PLD5: variants seen among roughly 807,000 people sequenced by gnomAD.
The protein encoded by PLD5 is inactive phospholipase D5.
In PLD5, 36 loss-of-function variants were observed where a neutral mutation model predicts 61.1. That is an observed-to-expected ratio of 0.59 (90% CI 0.45 to 0.78). The LOEUF (loss-of-function observed/expected upper bound fraction) is 0.78. Among genes scored for constraint, PLD5 ranks in the 30% least tolerant of loss-of-function variants. The pLI, the probability that PLD5 is intolerant of heterozygous loss-of-function variation, is 0.00. For synonymous variants in PLD5, 243 were observed against 242.8 expected, an observed-to-expected ratio of 1.00 and a Z score of -0.01; for missense variants, 515 against 644.4, an observed-to-expected ratio of 0.80 and a Z score of 2.17.
intron 1 of PLD5, among the ~76,000 whole-genome samples, chr1:242,502,490 C>T (rs6699156): frequency 0.066 from 10,046 of 152,124 alleles, 755 homozygotes; most frequent in African/African-American, 0.19. Flanking sequence ...ACCAAGAGTG[C>T]TAATTTTCAC....
chr1:242,488,012 CAGTGAGAT>C lies in PLD5; in HGVS notation c.189+36068_189+36075del, dbSNP rs199659705. 4.4e-4 allele frequency among the ~76,000 whole-genome samples: 67 copies of C among 152,142 alleles called. 1 individual carries two copies. The highest frequency in any genetic ancestry group is 1.5e-3 in the African/African-American group (64 of 41,504). On this transcript the variant is annotated intron_variant, in intron 1 of 9. Coordinates refer to ENST00000536534, the MANE Select transcript of PLD5 (RefSeq NM_001372062.1). ...TAAAACATGTATGTATGTAGGTGTGCAGTGAGATACCACTACATACCTATTAGAAAGGC... is the reference window on the plus strand; with the variant it reads ...TAAAACATGTATGTATGTAGGTGTGCACCACTACATACCTATTAGAAAGGC...
chr1:242,177,497 T>C (rs1399422528), intron 5 of PLD5, among the ~76,000 whole-genome samples: 1 of 152,092 alleles, frequency 6.6e-6, no homozygotes, highest in Non-Finnish European at 1.5e-5. Flanking sequence ...CAAACCACCA[T>C]GGCACGTGTG....
At chr1:242,485,570 C>G (rs1437532579) in intron 1 of PLD5, among the ~76,000 whole-genome samples, 1 of 152,126 alleles carries the variant, frequency 6.6e-6, no homozygotes, top group Non-Finnish European at 1.5e-5. Flanking sequence ...AAAGAGGATA[C>G]AAACAAATGG....
intron 1 of PLD5, among the ~76,000 whole-genome samples, chr1:242,378,324 A>T (rs75383475): frequency 0.018 from 2,729 of 152,266 alleles, 75 homozygotes; most frequent in African/African-American, 0.063. Context: ...AAAGAGAAAA[A>T]AGTAGAACAG....
chr1:242,488,287 T>A (rs2102972373), intron 1 of PLD5, among the ~76,000 whole-genome samples: 1 of 152,372 alleles, frequency 6.6e-6, no homozygotes, highest in East Asian at 1.9e-4. Context: ...ACAGCAGCTT[T>A]ATTTATAATT....
intron 2 of PLD5, among the ~76,000 whole-genome samples, chr1:242,332,319 C>T (rs1659234921): frequency 6.6e-6 from 1 of 152,132 alleles, no homozygotes; most frequent in African/African-American, 2.4e-5. Context: ...CGAGTCTTTG[C>T]TATGGTGAAC....
chr1:242,166,708 T>G (rs1386102904), intron 5 of PLD5, among the ~76,000 whole-genome samples: 1 of 152,240 alleles, frequency 6.6e-6, no homozygotes, highest in Non-Finnish European at 1.5e-5. Context: ...AATAACTGCC[T>G]GACAAAGTTC....
chr1:242,299,093 ATAT>A (rs201516923), intron 2 of PLD5, among the ~76,000 whole-genome samples: 8,736 of 151,688 alleles, frequency 0.058, 291 homozygotes, highest in Middle Eastern at 0.11. Flanking sequence ...AAATGTAATT[ATAT>A]TATTACCTCT....
intron 2 of PLD5, among the ~76,000 whole-genome samples, chr1:242,321,155 G>A (rs1210516093): frequency 6.6e-6 from 1 of 152,002 alleles, no homozygotes; most frequent in Non-Finnish European, 1.5e-5. Context: ...TCTTTTGTGG[G>A]GGACTTGACA....
At chr1:242,506,028 T>C (rs781693405) in intron 1 of PLD5, among the ~76,000 whole-genome samples, 2 of 152,196 alleles carry the variant, frequency 1.3e-5, no homozygotes, top group Non-Finnish European at 2.9e-5. Flanking sequence ...TTATGAGAAA[T>C]GGTGTTACCA....
chr1:242,328,312 GTTCTACATATA>G (rs1658933236), intron 2 of PLD5, among the ~76,000 whole-genome samples: 6 of 140,042 alleles, frequency 4.3e-5, no homozygotes, highest in Non-Finnish European at 8.9e-5. Flanking sequence ...ACATATATAT[GTTCTACATATA>G]TGTGTTTTAC....
intron 5 of PLD5, among the ~76,000 whole-genome samples, chr1:242,153,305 G>C (rs1665088612): frequency 6.6e-6 from 1 of 152,092 alleles, no homozygotes; most frequent in South Asian, 2.1e-4. Flanking sequence ...TAGGCTGCCT[G>C]TTCACTCTGA....
intron 3 of PLD5, among the ~76,000 whole-genome samples, chr1:242,278,361 TGG>T (rs1674529225): frequency 6.6e-6 from 1 of 152,242 alleles, no homozygotes; most frequent in Non-Finnish European, 1.5e-5. Flanking sequence ...GATTTATTCA[TGG>T]CCATATGATT....
intron 2 of PLD5, among the ~76,000 whole-genome samples, chr1:242,325,761 C>A (rs945094137): frequency 1.3e-5 from 2 of 152,156 alleles, no homozygotes; most frequent in Non-Finnish European, 2.9e-5. Context: ...AGAAGACATC[C>A]ACAGACCTAC....
In PLD5 at chr1:242,206,497, A is replaced by G. The variant is rs188301962; in HGVS notation, c.735+13491T>C. 2.1e-3 allele frequency among the ~76,000 whole-genome samples: 324 copies of G among 152,322 alleles called. 2 individuals are homozygous for G. Among genetic ancestry groups the G allele is most frequent in the African/African-American group, 7.6e-3 (314 of 41,570 alleles). ...GGCACTGATCCTTATACAGTCAAAAATCTGTGTATAGCTTTGGGATCCCCA... is the reference window on the plus strand; with the variant it reads ...GGCACTGATCCTTATACAGTCAAAAGTCTGTGTATAGCTTTGGGATCCCCA... On this transcript the variant is annotated intron_variant, in intron 5 of 9. Transcript: ENST00000536534.
At chr1:242,237,537 T>C (rs1671718890) in intron 4 of PLD5, among the ~76,000 whole-genome samples, 2 of 152,212 alleles carry the variant, frequency 1.3e-5, no homozygotes, top group Non-Finnish European at 2.9e-5. Context: ...GCTCTCCTGC[T>C]GTTTTCAACT....
rs1191346328 is a variant in PLD5 at position 242,215,218 on chromosome 1, A to AG, written c.735+4769_735+4770insC. On this transcript the variant is annotated intron_variant, in intron 5 of 9. Coordinates refer to ENST00000536534, the MANE Select transcript of PLD5 (RefSeq NM_001372062.1). ...ATCTTCTTTTAACTTTTGCATTTAT[A>AG]TGATGGCCCACAAAAATTAAAACTG... Among the ~76,000 whole-genome samples the AG allele has an allele frequency of 1.0e-3, 153 of 151,636 alleles. 4 individuals carry two copies. Among genetic ancestry groups the AG allele is most frequent in the Admixed American group, 9.7e-3 (143 of 14,806 alleles).
At chr1:242,332,859 G>A (rs1462817507) in intron 2 of PLD5, among the ~76,000 whole-genome samples, 5 of 152,096 alleles carry the variant, frequency 3.3e-5, no homozygotes, top group East Asian at 1.9e-4. Context: ...AATACTTGAC[G>A]TTCACTCGTA....
intron 1 of PLD5, among the ~76,000 whole-genome samples, chr1:242,523,650 T>C (rs1456920357): frequency 6.6e-6 from 1 of 152,220 alleles, no homozygotes; most frequent in Non-Finnish European, 1.5e-5. Context: ...GCGCCAACTT[T>C]ACTCATTCGT....
Sources: allele counts gnomAD v4.1 joint callset (sites outside exome capture counted in the v4.1 genomes callset), GRCh38; gene constraint gnomAD v4.1.1; transcripts MANE v1.5; gene names NCBI Gene and HGNC (gene_info 2026-07-23, HGNC 2026-07-21).